Variants in PDS5A observed in about 807,000 individuals in gnomAD.
The protein encoded by PDS5A is sister chromatid cohesion protein PDS5 homolog A.
In PDS5A, 42 loss-of-function variants were observed where a neutral mutation model predicts 167.1. The observed-to-expected ratio is 0.25, with a 90% CI of 0.20 to 0.33. The LOEUF is 0.33. Ranked by LOEUF, PDS5A falls within the 10% of genes least tolerant of loss-of-function variation. PDS5A has a pLI of 1.00. For missense variants in PDS5A, 1,033 were observed against 1,605.9 expected (o/e 0.64, Z 6.10); for synonymous variants, 553 against 554.6 (o/e 1.00, Z 0.04).
chr4:39,950,269 A>C (rs1728221932), intron 2 of PDS5A, among the ~76,000 whole-genome samples: 1 of 152,082 alleles, frequency 6.6e-6, no homozygotes, highest in African/African-American at 2.4e-5. Context: ...GTTTTTAAAA[A>C]AGAAAATTTA....
rs2109839438 is a variant in PDS5A, at chr4:39,977,667, G to C, written c.-251C>G. On this transcript the variant is annotated 5_prime_UTR_variant, in exon 1 of 33. Coordinates refer to ENST00000303538, the MANE Select transcript of PDS5A (RefSeq NM_001100399.2). This position sits in a 1 kb window ranked among gnomAD's most constrained non-coding sequence, Gnocchi z 4.2. ...GGAGACGCGGGGCGAGTGAGCGCTG[G>C]GCGGGGAGACAGTGCCGCTCTCCGT... The C allele has an allele frequency of 6.6e-6, 1 of 151,636 alleles. No homozygotes were observed. The highest frequency in any genetic ancestry group is 1.9e-4 in the East Asian group (1 of 5,154). 9.4% of individuals were successfully genotyped at this position (151,636 alleles called of 1,614,324 possible). A position where few individuals can be genotyped will look rare whatever the true frequency, so the allele number is the denominator to read the frequency against.
intron 14 of PDS5A, 136 bp downstream of exon 14, chr4:39,900,290 T>A (rs1439269247): frequency 1.7e-6 from 1 of 599,970 alleles, no homozygotes; most frequent in East Asian, 2.8e-5. Flanking sequence ...CTTGGACAAC[T>A]ACAGAAATTA....
At chr4:39,974,368 A>G (rs1730869595) in intron 2 of PDS5A, 1 of 428,856 alleles carries the variant, frequency 2.3e-6, no homozygotes, top group Non-Finnish European at 4.6e-6. Context: ...ATTATCCAAC[A>G]TTAGAATTCA....
intron 21 of PDS5A, among the ~76,000 whole-genome samples, chr4:39,870,665 A>G (rs915933144): frequency 6.6e-6 from 1 of 152,118 alleles, no homozygotes; most frequent in African/African-American, 2.4e-5. Context: ...TCCAAAGAAG[A>G]TATACAGGTA....
chr4:39,941,693 G>A (rs1426958850), intron 2 of PDS5A, among the ~76,000 whole-genome samples: 1 of 152,140 alleles, frequency 6.6e-6, no homozygotes, highest in Non-Finnish European at 1.5e-5. Context: ...AAGTTGAAGT[G>A]GCTTACTGAC....
chr4:39,937,087 C>G (rs574296019), intron 2 of PDS5A, among the ~76,000 whole-genome samples: 2 of 152,178 alleles, frequency 1.3e-5, no homozygotes, highest in African/African-American at 4.8e-5. Context: ...TTAGTGTTCA[C>G]AGGATTCACT....
chr4:39,935,136 T>C (rs900024560), intron 2 of PDS5A, among the ~76,000 whole-genome samples: 6 of 152,240 alleles, frequency 3.9e-5, no homozygotes, highest in African/African-American at 1.2e-4. Flanking sequence ...GATTGATTGA[T>C]TGATTGACTG....
chr4:39,960,313 T>C (rs1729364093), intron 2 of PDS5A, among the ~76,000 whole-genome samples: 1 of 152,002 alleles, frequency 6.6e-6, no homozygotes, highest in Non-Finnish European at 1.5e-5. Context: ...ACACATATAT[T>C]ATGGAAGTTA....
At chr4:39,948,630 T>TTTTG (rs1728026861) in intron 2 of PDS5A, among the ~76,000 whole-genome samples, 1 of 149,424 alleles carries the variant, frequency 6.7e-6, no homozygotes, top group Non-Finnish European at 1.5e-5. Flanking sequence ...GATTTTTTTT[T>TTTTG]TTTTTTTTTT....
chr4:39,967,481 A>G (rs1730089696), intron 2 of PDS5A, among the ~76,000 whole-genome samples: 1 of 150,700 alleles, frequency 6.6e-6, no homozygotes, highest in African/African-American at 2.4e-5. Context: ...CCCCGTCTCT[A>G]TTAAAAATAC....
At chr4:39,912,794 T>C (rs372294062) in intron 9 of PDS5A, among the ~76,000 whole-genome samples, 3 of 152,206 alleles carry the variant, frequency 2.0e-5, no homozygotes, top group Admixed American at 6.5e-5. Context: ...TCAAGCCAAA[T>C]AGAATTTAGT....
At chr4:39,935,122 T>TATTG (rs796770793) in intron 2 of PDS5A, among the ~76,000 whole-genome samples, 89 of 152,342 alleles carry the variant, frequency 5.8e-4, no homozygotes, top group East Asian at 1.7e-3. Flanking sequence ...TCCGCTGTGG[T>TATTG]ATTGATTGAT....
chr4:39,877,100 G>A lies in PDS5A; in HGVS notation c.2046C>T (p.Ser682=). The change falls in exon 19 of 33, where the codon TCC becomes TCT. Residue 682 remains serine (S), a synonymous_variant. Coordinates refer to ENST00000303538, the MANE Select transcript of PDS5A (RefSeq NM_001100399.2). ...TSFHSAETYE[S]LLQCLRMEDD... is the part of the protein sequence containing the mutation. Reference sequence around the variant, plus strand: ...CCTCCATTCTTAGGCACTGTAACAAGGACTCATATGTCTCTGCAGAGTGGA... The same window carrying A: ...CCTCCATTCTTAGGCACTGTAACAAAGACTCATATGTCTCTGCAGAGTGGA... The A allele has an allele frequency of 6.2e-7, 1 of 1,607,610 alleles. No individual in the cohort carries two copies. Among genetic ancestry groups the A allele is most frequent in the Non-Finnish European group, 8.5e-7 (1 of 1,174,676 alleles).
Position 39,862,913 on chromosome 4 carries a change from A to G in PDS5A, c.2927T>C (p.Ile976Thr). Residue 976 changes from isoleucine to threonine, a missense_variant, in exon 25 of 33, where the codon ATC (isoleucine) becomes ACC (threonine). By Grantham distance (89) the Ile-to-Thr change is moderately conservative. Transcript: ENST00000303538. ...CTTAATGTATTCCCTGCGTATACTG[A>G]TATTTTTCAGTAAACATTGTCGTGC... The part of the protein sequence containing the change: ...AHARQCLLKN[I>T]SIRREYIKQN... 6.2e-7 allele frequency: 1 copy of G among 1,612,602 alleles called. No homozygotes were observed.
intron 2 of PDS5A, among the ~76,000 whole-genome samples, chr4:39,963,453 C>T (rs1343916047): frequency 6.6e-6 from 1 of 151,688 alleles, no homozygotes; most frequent in Non-Finnish European, 1.5e-5. Context: ...TAGCCAGACT[C>T]CATCTCAAAA....
At chr4:39,883,193 AAAG>A (rs938977050) in intron 17 of PDS5A, among the ~76,000 whole-genome samples, 18 of 152,086 alleles carry the variant, frequency 1.2e-4, no homozygotes, top group Admixed American at 2.6e-4. Flanking sequence ...TTTTTTAAAA[AAAG>A]AAGAAGATGG....
At chr4:39,951,898 CAAAAAAAAAA>C (rs1161911794) in intron 2 of PDS5A, among the ~76,000 whole-genome samples, 1 of 68,802 alleles carries the variant, frequency 1.5e-5, no homozygotes, top group Non-Finnish European at 2.6e-5. Context: ...GAGTCTGTCT[CAAAAAAAAAA>C]AAAAAAAAAA....
At chr4:39,840,994 G>C (rs1000979433) in intron 31 of PDS5A, among the ~76,000 whole-genome samples, 8 of 151,026 alleles carry the variant, frequency 5.3e-5, no homozygotes, top group African/African-American at 1.9e-4. Context: ...GACCACAAGT[G>C]ATCCACCCAT....
chr4:39,856,437 C>A (rs1718530387), intron 26 of PDS5A, among the ~76,000 whole-genome samples: 1 of 152,134 alleles, frequency 6.6e-6, no homozygotes, highest in Non-Finnish European at 1.5e-5. Flanking sequence ...ATAAGTAAAT[C>A]TGGTGAAAGT....
Sources: allele counts gnomAD v4.1 joint callset (sites outside exome capture counted in the v4.1 genomes callset), GRCh38; gene constraint gnomAD v4.1.1; non-coding constraint Gnocchi (gnomAD v3.1); transcripts MANE v1.5; gene names NCBI Gene and HGNC (gene_info 2026-07-23, HGNC 2026-07-21).